Variants in PTPRD observed in about 807,000 individuals in gnomAD.
The protein encoded by PTPRD is protein tyrosine phosphatase receptor type D, also known as receptor-type tyrosine-protein phosphatase delta.
Under a neutral mutation model 214.5 loss-of-function variants are expected in PTPRD, and 34 were observed. The ratio of observed to expected loss-of-function variants is 0.16; its 90% CI spans 0.12 to 0.21. The LOEUF (loss-of-function observed/expected upper bound fraction) is 0.21, where lower values mean the gene tolerates loss of function less well. Ranked by LOEUF, PTPRD falls within the 10% of genes least tolerant of loss-of-function variation. PTPRD has a pLI of 1.00. For missense variants in PTPRD, 2,545 were observed against 2,398.7 expected (o/e 1.06, Z -1.27); for synonymous variants, 1,128 against 845.7 (o/e 1.33, Z -5.79).
chr9:8,584,879 A>C (rs1314127056), intron 14 of PTPRD, among the ~76,000 whole-genome samples: 6 of 152,206 alleles, frequency 3.9e-5, no homozygotes, highest in Non-Finnish European at 8.8e-5. Flanking sequence ...CCTTCTTCGC[A>C]TGGCAGTGTC....
At chr9:9,620,473 T>A (rs2095177123) in intron 7 of PTPRD, among the ~76,000 whole-genome samples, 1 of 152,124 alleles carries the variant, frequency 6.6e-6, no homozygotes. Flanking sequence ...ACTGATTCCT[T>A]CCAATATTAA....
At chr9:9,669,516 A>C (rs952139475) in intron 7 of PTPRD, among the ~76,000 whole-genome samples, 3 of 152,196 alleles carry the variant, frequency 2.0e-5, no homozygotes, top group African/African-American at 7.2e-5. Flanking sequence ...CACATTAAAC[A>C]CATTTTGAAA....
chr9:8,623,897 A>G (rs187827643), intron 14 of PTPRD, among the ~76,000 whole-genome samples: 19 of 152,090 alleles, frequency 1.2e-4, no homozygotes, highest in Admixed American at 9.8e-4. Context: ...CAAAAAAACA[A>G]AACAAACGAA....
intron 3 of PTPRD, among the ~76,000 whole-genome samples, chr9:10,121,284 C>A (rs1308252216): frequency 6.6e-6 from 1 of 151,858 alleles, no homozygotes; most frequent in East Asian, 1.9e-4. Flanking sequence ...ATGGATAATC[C>A]TAAATACTGA....
rs537410531 is a variant in PTPRD at position 9,711,837 on chromosome 9, A to T, written c.-287+22696T>A. ...CTCTTATTTTGAGCTGGATTCACACAGCCTCAATAATTAGACATGCCTGAT... is the reference window on the plus strand; with the variant it reads ...CTCTTATTTTGAGCTGGATTCACACTGCCTCAATAATTAGACATGCCTGAT... On this transcript the variant is annotated intron_variant, in intron 7 of 45. Transcript: ENST00000381196. 6.4e-4 allele frequency among the ~76,000 whole-genome samples: 97 copies of T among 152,286 alleles called. 3 individuals are homozygous for T. The South Asian group carries it at 0.02, about 31-fold the overall frequency.
At chr9:10,553,829 AAT>A (rs1381632514) in intron 2 of PTPRD, among the ~76,000 whole-genome samples, 6 of 152,186 alleles carry the variant, frequency 3.9e-5, no homozygotes, top group African/African-American at 1.2e-4. Flanking sequence ...GAATGTAATT[AAT>A]ATATGTTTTT....
intron 5 of PTPRD, among the ~76,000 whole-genome samples, chr9:9,792,093 T>G (rs1349693636): frequency 6.7e-6 from 1 of 149,244 alleles, no homozygotes; most frequent in East Asian, 2.0e-4. Context: ...TCCCATGATT[T>G]GGAGGCCAGT....
intron 9 of PTPRD, among the ~76,000 whole-genome samples, chr9:9,324,236 C>G (rs191023326): frequency 6.6e-5 from 10 of 152,262 alleles, no homozygotes; most frequent in African/African-American, 2.4e-4. Context: ...AATGGTATTT[C>G]TAGTTCCAGA....
Position 9,388,121 on chromosome 9 carries a change from GA to G in PTPRD, c.-203+9327del, listed in dbSNP as rs374695033. On this transcript the variant is annotated intron_variant, in intron 9 of 45. Transcript: ENST00000381196. Reference sequence around the variant, plus strand: ...TAGCTCTCAGCAGATGGGGGAGCCAGAAGGGAAACTGGTTTTCCCCATGACC... The same window carrying G: ...TAGCTCTCAGCAGATGGGGGAGCCAGAGGGAAACTGGTTTTCCCCATGACC... Among the ~76,000 whole-genome samples the G allele has an allele frequency of 4.5e-3, 689 of 152,284 alleles. 3 individuals are homozygous for G. Among genetic ancestry groups the G allele is most frequent in the African/African-American group, 0.016 (652 of 41,552 alleles).
chr9:9,508,114 T>A (rs577751459), intron 8 of PTPRD, among the ~76,000 whole-genome samples: 4 of 151,802 alleles, frequency 2.6e-5, no homozygotes, highest in African/African-American at 9.6e-5. Flanking sequence ...TTTACTGTTA[T>A]GTTTTGTTGG....
chr9:10,401,679 G>A (rs555139888), intron 2 of PTPRD, among the ~76,000 whole-genome samples: 4 of 148,218 alleles, frequency 2.7e-5, no homozygotes, highest in East Asian at 2.1e-4. Context: ...CAGACATACT[G>A]TATGTACATA....
At chr9:8,854,473 T>G (rs1183981426) in intron 11 of PTPRD, among the ~76,000 whole-genome samples, 3 of 152,212 alleles carry the variant, frequency 2.0e-5, no homozygotes, top group Admixed American at 6.5e-5. Flanking sequence ...TCCAATGGTT[T>G]GATAAATCAA....
At chr9:10,351,888 G>A (rs2097189579) in intron 2 of PTPRD, among the ~76,000 whole-genome samples, 2 of 151,926 alleles carry the variant, frequency 1.3e-5, no homozygotes. Flanking sequence ...AAATGGAGAT[G>A]GGCATAGATG....
chr9:9,582,447 G>C (rs987669912), intron 7 of PTPRD, among the ~76,000 whole-genome samples: 3 of 151,962 alleles, frequency 2.0e-5, no homozygotes, highest in Admixed American at 6.6e-5. Flanking sequence ...TAAAATAGGA[G>C]GAATCCAGAT....
At position 9,103,420 on chromosome 9, in the gene PTPRD, G is replaced by A. The variant is rs554392359; in HGVS notation, c.-143+79884C>T. Among the ~76,000 whole-genome samples the A allele has an allele frequency of 4.9e-4, 74 of 151,948 alleles. 1 individual carries two copies. Among genetic ancestry groups the A allele is most frequent in the Admixed American group, 3.4e-3 (52 of 15,272 alleles). On this transcript the variant is annotated intron_variant, in intron 10 of 45. Coordinates refer to ENST00000381196, the MANE Select transcript of PTPRD (RefSeq NM_002839.4). ...CTTGAGTTAGCATGAAAAAATTTTC[G>A]TAAGTAATTATGGAGTAAAACAAAA...
chr9:9,688,910 G>T (rs564313919), intron 7 of PTPRD, among the ~76,000 whole-genome samples: 1 of 151,524 alleles, frequency 6.6e-6, no homozygotes, highest in East Asian at 1.9e-4. Context: ...ACTAATAGAT[G>T]GATATGTGAA....
chr9:9,758,448 C>T (rs949465740), intron 6 of PTPRD, among the ~76,000 whole-genome samples: 3 of 152,130 alleles, frequency 2.0e-5, no homozygotes, highest in African/African-American at 7.2e-5. Flanking sequence ...AGCTCTGCCA[C>T]ATTAGGCAAC....
chr9:8,547,383 G>A (rs2080495226), intron 14 of PTPRD, among the ~76,000 whole-genome samples: 1 of 152,092 alleles, frequency 6.6e-6, no homozygotes, highest in South Asian at 2.1e-4. Context: ...AGTGGGCCAG[G>A]CATGGTCCCA....
chr9:9,353,017 A>C (rs955749430), intron 9 of PTPRD, among the ~76,000 whole-genome samples: 3 of 151,884 alleles, frequency 2.0e-5, no homozygotes, highest in African/African-American at 7.3e-5. Context: ...TTCAATGATA[A>C]AATTTGAATT....
Sources: gnomAD v4.1 joint callset for allele counts (sites outside exome capture counted in the v4.1 genomes callset) on GRCh38, gnomAD v4.1.1 for gene constraint, MANE v1.5 for transcripts, NCBI Gene and HGNC (gene_info 2026-07-23, HGNC 2026-07-21) for gene names.